Variants in PSIP1 observed in about 807,000 individuals in gnomAD.
PSIP1 encodes PC4 and SRSF1 interacting protein 1, also known as PC4 and SFRS1-interacting protein.
Under a neutral mutation model 74.7 loss-of-function variants are expected in PSIP1, and 19 were observed. The ratio of observed to expected loss-of-function variants is 0.25; its 90% CI spans 0.18 to 0.37. PSIP1 has a LOEUF of 0.37. Ranked by LOEUF, PSIP1 falls within the 10% of genes least tolerant of loss-of-function variation. PSIP1 has a pLI of 1.00. For synonymous variants in PSIP1, 222 were observed against 195.3 expected (o/e 1.14, Z -1.14); for missense variants, 601 against 614.3 (o/e 0.98, Z 0.23).
intron 3 of PSIP1, among the ~76,000 whole-genome samples, chr9:15,492,927 G>C (rs942956585): frequency 3.9e-5 from 6 of 152,188 alleles, no homozygotes; most frequent in Non-Finnish European, 8.8e-5. Flanking sequence ...AACGCTGCAC[G>C]CAGCAGGAAG....
At position 15,469,966 on chromosome 9, in the gene PSIP1, T is replaced by A; in HGVS notation, c.1005A>T (p.Pro335=). Residue 335 remains proline (P), a synonymous_variant, in exon 11 of 16, where the codon CCA becomes CCT. Transcript: ENST00000380733. ...GCTTCTTCTCCACTTTCTTAACTTC[T>A]GGCTTCTTTCCTTCATCTTTATTCT... ...EQQNKDEGKK[P]EVKKVEKKRE... is the part of the protein sequence containing the mutation. The A allele has an allele frequency of 6.2e-7, 1 of 1,608,306 alleles. No individual in the cohort carries two copies. Among genetic ancestry groups the A allele is most frequent in the Non-Finnish European group, 8.5e-7 (1 of 1,178,452 alleles).
chr9:15,487,953 A>G (rs541692108), intron 4 of PSIP1, among the ~76,000 whole-genome samples: 16 of 152,350 alleles, frequency 1.1e-4, no homozygotes, highest in South Asian at 2.1e-4. Flanking sequence ...TGAAAGATTT[A>G]TATGTTCCAG....
At chr9:15,473,893 T>TC in intron 9 of PSIP1, 116 bp downstream of exon 9, 1 of 738,586 alleles carries the variant, frequency 1.4e-6, no homozygotes, top group Non-Finnish European at 1.9e-6. Context: ...ACAGCGAGAC[T>TC]CCATCTCAAA....
intron 4 of PSIP1, among the ~76,000 whole-genome samples, chr9:15,489,714 A>G (rs2036739020): frequency 6.6e-6 from 1 of 152,086 alleles, no homozygotes; most frequent in Non-Finnish European, 1.5e-5. Flanking sequence ...AACAGTACAT[A>G]CAGCTTTATA....
chr9:15,501,839 G>T (rs2037357461), intron 3 of PSIP1, among the ~76,000 whole-genome samples: 1 of 48,076 alleles, frequency 2.1e-5, no homozygotes, highest in Non-Finnish European at 3.6e-5. Flanking sequence ...ATATAAAACA[G>T]CATATATATA....
chr9:15,498,577 G>A (rs142369770), intron 3 of PSIP1, among the ~76,000 whole-genome samples: 2 of 151,956 alleles, frequency 1.3e-5, no homozygotes, highest in African/African-American at 4.8e-5. Context: ...GTTTTTCGAC[G>A]GACATCACTA....
intron 4 of PSIP1, among the ~76,000 whole-genome samples, chr9:15,487,627 T>C (rs1287625897): frequency 3.3e-5 from 5 of 152,046 alleles, no homozygotes; most frequent in Non-Finnish European, 5.9e-5. Flanking sequence ...AAAAAAGAAA[T>C]TACAAGACGT....
chr9:15,480,093 G>T (rs2036269917), intron 6 of PSIP1, among the ~76,000 whole-genome samples: 1 of 152,168 alleles, frequency 6.6e-6, no homozygotes, highest in Non-Finnish European at 1.5e-5. Context: ...TTTCCCGTAA[G>T]AAAGGATTTA....
Position 15,486,829 on chromosome 9 carries a change from C to T in PSIP1, c.391G>A (p.Glu131Lys). ...ATGTTAGGAGAAATAGAACATACCTCATTGCTGGCTTTTTCTTCATGGTCG... is the reference window on the plus strand; with the variant it reads ...ATGTTAGGAGAAATAGAACATACCTTATTGCTGGCTTTTTCTTCATGGTCG... ...DTDHEEKASN[E>K]DVTKAVDITT... is the part of the protein sequence containing the mutation. Residue 131 changes from glutamate to lysine, a missense_variant and splice_region_variant, in exon 5 of 16, where the codon GAG becomes AAG. Physicochemically the swap from Glu to Lys is moderately conservative, Grantham distance 56. Around this residue, in one of 2 missense-constraint regions of PSIP1, gnomAD observed 538 missense variants for 507.6 expected, o/e 1.06. Transcript: ENST00000380733. 1 of 1,592,254 alleles carries T rather than the reference C, an allele frequency of 6.3e-7. No individual in the cohort carries two copies. Among genetic ancestry groups the T allele is most frequent in the Non-Finnish European group, 8.6e-7 (1 of 1,164,154 alleles).
chr9:15,470,115 A>T, intron 10 of PSIP1, 122 bp from the exon 11 acceptor site: 2 of 720,810 alleles, frequency 2.8e-6, no homozygotes, highest in South Asian at 3.3e-5. Flanking sequence ...ACTGCAAAGG[A>T]ACTGACTGTA....
In PSIP1 at chr9:15,476,965, G is replaced by A. The variant is rs559328424; in HGVS notation, c.629+1512C>T. On this transcript the variant is annotated intron_variant, in intron 8 of 15. Coordinates refer to ENST00000380733, the MANE Select transcript of PSIP1 (RefSeq NM_033222.5). ...TGCAACAAAGGATGATACTGAAAAAGTAGAGAAGTTCCAGAGGAATCAGCC... is the reference window on the plus strand; with the variant it reads ...TGCAACAAAGGATGATACTGAAAAAATAGAGAAGTTCCAGAGGAATCAGCC... 2.0e-5 allele frequency among the ~76,000 whole-genome samples: 3 copies of A among 152,272 alleles called. No homozygotes were observed. In the South Asian group the frequency reaches 6.2e-4, roughly 32 times the overall value.
intron 5 of PSIP1, among the ~76,000 whole-genome samples, 162 bp from the exon 6 acceptor site, chr9:15,486,230 A>C (rs1394754949): frequency 6.6e-6 from 1 of 152,248 alleles, no homozygotes; most frequent in African/African-American, 2.4e-5. Flanking sequence ...TCAACATTAT[A>C]AAGTGAGAAA....
At chr9:15,501,574 T>C (rs926103944) in intron 3 of PSIP1, among the ~76,000 whole-genome samples, 1 of 152,066 alleles carries the variant, frequency 6.6e-6, no homozygotes, top group Non-Finnish European at 1.5e-5. Context: ...GTGAAAAATG[T>C]AATGAGGCTG....
chr9:15,487,203 TA>T (rs781088475), intron 4 of PSIP1, among the ~76,000 whole-genome samples: 1 of 150,614 alleles, frequency 6.6e-6, no homozygotes. Context: ...TAATAAAAAT[TA>T]AAAAAAACTC....
Position 15,466,751 on chromosome 9 carries a change from T to C in PSIP1, c.1529A>G (p.Lys510Arg). ...CCCATTAAAACCTATTCCTCACTTT[T>C]TCTTCGTGCTGGCTTCATGGTTGTC... The part of the protein sequence containing the change: ...SKDNHEASTK[K>R]KPSSEERETE... Residue 510 changes from lysine to arginine, a missense_variant, in exon 15 of 16, where the codon AAA (lysine) becomes AGA (arginine). By Grantham distance (26) the Lys-to-Arg change is conservative (BLOSUM62 2). Around this residue, in one of 2 missense-constraint regions of PSIP1, gnomAD observed 538 missense variants for 507.6 expected, o/e 1.06. Transcript: ENST00000380733. 1 of 1,606,538 alleles carries C rather than the reference T, an allele frequency of 6.2e-7. No individual in the cohort carries two copies. Among genetic ancestry groups the C allele is most frequent in the Admixed American group, 1.7e-5 (1 of 57,828 alleles).
chr9:15,472,318 GTAT>G, intron 10 of PSIP1: 6 of 1,091,128 alleles, frequency 5.5e-6, no homozygotes, highest in Non-Finnish European at 6.7e-6. Flanking sequence ...CTATCTATAT[GTAT>G]TATATTATAC....
chr9:15,486,096 CTGAATAA>C (rs1587498587), intron 5 of PSIP1, 28 bp from the exon 6 acceptor site: 2 of 1,518,512 alleles, frequency 1.3e-6, no homozygotes, highest in Non-Finnish European at 1.8e-6. Flanking sequence ...AAACTGAATA[CTGAATAA>C]ATTATTCCAG....
chr9:15,489,465 C>T (rs2036721881), intron 4 of PSIP1: 1 of 151,512 alleles, frequency 6.6e-6, no homozygotes, highest in African/African-American at 2.4e-5. Flanking sequence ...AAAAGTTAGC[C>T]AGGCGTGGTG....
intron 2 of PSIP1, among the ~76,000 whole-genome samples, chr9:15,507,159 A>G (rs1163976134): frequency 1.3e-5 from 2 of 152,230 alleles, no homozygotes; most frequent in Non-Finnish European, 2.9e-5. Context: ...TTACTATGAA[A>G]AGATCCTTCA....
Sources: allele counts gnomAD v4.1 joint callset (sites outside exome capture counted in the v4.1 genomes callset), GRCh38; gene constraint gnomAD v4.1.1; regional missense constraint gnomAD v4.1.1; transcripts MANE v1.5; gene names NCBI Gene and HGNC (gene_info 2026-07-23, HGNC 2026-07-21).